The following LONP2 variants were observed in gnomAD, a reference collection of about 807,000 sequenced individuals.
LONP2 encodes lon peptidase 2, peroxisomal, also known as lon protease homolog 2, peroxisomal.
LONP2 carries 60 observed loss-of-function variants against 85.6 expected under a neutral mutation model. That is an observed-to-expected ratio of 0.70 (90% CI 0.57 to 0.87). The LOEUF (loss-of-function observed/expected upper bound fraction) is 0.87. LONP2 is among the 40% of genes least tolerant of loss of function. The pLI is 0.00. For missense variants in LONP2, 860 were observed against 1,063.5 expected, an observed-to-expected ratio of 0.81 and a Z score of 2.66; for synonymous variants, 395 against 389.7, an observed-to-expected ratio of 1.01 and a Z score of -0.16.
Position 48,258,249 on chromosome 16 carries a change from A to G in LONP2, c.601-369A>G, listed in dbSNP as rs192933415. 1.2e-3 allele frequency among the ~76,000 whole-genome samples: 178 copies of G among 151,710 alleles called. 8 individuals carry two copies. Among genetic ancestry groups the G allele is most frequent in the Admixed American group, 9.2e-3 (140 of 15,234 alleles). The stretch of plus-strand genomic sequence containing the variant: ...GTAGTCCCAGTTACTCTGGAGGCTG[A>G]GGCAGGAGAATGACGTGAACCCAGG... On this transcript the variant is annotated intron_variant, in intron 3 of 14. Coordinates refer to ENST00000285737, the MANE Select transcript of LONP2 (RefSeq NM_031490.5).
At chr16:48,328,847 G>C in intron 11 of LONP2, among the ~76,000 whole-genome samples, 1 of 151,236 alleles carries the variant, frequency 6.6e-6, no homozygotes, top group African/African-American at 2.4e-5. Context: ...GGGGGGGAGG[G>C]GCGGTGGGGG....
intron 2 of LONP2, among the ~76,000 whole-genome samples, chr16:48,255,161 G>A (rs989798649): frequency 2.6e-5 from 4 of 152,168 alleles, no homozygotes; most frequent in East Asian, 1.9e-4. Flanking sequence ...AATCTCAGTC[G>A]CATAATGTGA....
At chr16:48,359,685 C>T (rs999953419), downstream of LONP2, among the ~76,000 whole-genome samples, 2 of 151,852 alleles carry the variant, frequency 1.3e-5, no homozygotes, top group African/African-American at 2.4e-5. Context: ...CACTGCACTC[C>T]AGCCTGGGTG....
rs536843839 is a variant in LONP2, at chr16:48,348,371, CTTCT to C, written c.2337+86_2337+89del. On this transcript the variant is annotated intron_variant, in intron 14 of 14. Transcript: ENST00000285737. ...ATATTATTTTTAAATACGGGTTTGC[CTTCT>C]TTCTATGAAAACCTTGGTTTTAAGT... 6,504 of 914,742 alleles carry C rather than the reference CTTCT, an allele frequency of 7.1e-3. 38 individuals are homozygous for C. Among genetic ancestry groups the C allele is most frequent in the Middle Eastern group, 0.019 (50 of 2,594 alleles). The allele number at this position is 914,742 out of a possible 1,614,324, so 56.7% of individuals were successfully genotyped here.
chr16:48,254,577 C>G (rs1188815948), intron 2 of LONP2, among the ~76,000 whole-genome samples: 1 of 152,074 alleles, frequency 6.6e-6, no homozygotes, highest in African/African-American at 2.4e-5. Flanking sequence ...GTTGGCCAGG[C>G]TGGTCTCGAA....
At chr16:48,254,509 A>G (rs1448777976) in intron 2 of LONP2, among the ~76,000 whole-genome samples, 2 of 151,910 alleles carry the variant, frequency 1.3e-5, no homozygotes, top group Non-Finnish European at 2.9e-5. Flanking sequence ...CATTACAGGC[A>G]TGCGCCACCA....
chr16:48,270,950 A>T (rs1465650502), intron 7 of LONP2, among the ~76,000 whole-genome samples: 2 of 152,092 alleles, frequency 1.3e-5, no homozygotes, highest in Non-Finnish European at 2.9e-5. Flanking sequence ...CAACATAGGG[A>T]AACACTTTTG....
At chr16:48,342,522 C>A (rs1396916338) in intron 12 of LONP2, among the ~76,000 whole-genome samples, 1 of 152,182 alleles carries the variant, frequency 6.6e-6, no homozygotes, top group Non-Finnish European at 1.5e-5. Context: ...AACAGGAATC[C>A]GTTGTGCCAA....
chr16:48,283,620 A>G (rs1160045505), intron 8 of LONP2, among the ~76,000 whole-genome samples: 1 of 152,174 alleles, frequency 6.6e-6, no homozygotes, highest in Non-Finnish European at 1.5e-5. Flanking sequence ...CACTGTTGAA[A>G]CTTACCGTTC....
At chr16:48,298,466 C>A (rs1425891102) in intron 9 of LONP2, among the ~76,000 whole-genome samples, 1 of 152,012 alleles carries the variant, frequency 6.6e-6, no homozygotes, top group Non-Finnish European at 1.5e-5. Context: ...TACATACACA[C>A]ACACACACAC....
intron 1 of LONP2, among the ~76,000 whole-genome samples, chr16:48,248,394 G>A (rs1234706649): frequency 2.0e-5 from 3 of 150,826 alleles, no homozygotes; most frequent in African/African-American, 7.3e-5. Context: ...CCAAAGTGCT[G>A]GGATTATAGG....
At chr16:48,249,014 G>A (rs572318668) in intron 1 of LONP2, among the ~76,000 whole-genome samples, 2 of 152,008 alleles carry the variant, frequency 1.3e-5, no homozygotes, top group South Asian at 4.1e-4. Flanking sequence ...GCAGTTGATG[G>A]TTCTTAAATA....
chr16:48,361,446 C>G (rs1419840303), downstream of LONP2: 1 of 791,124 alleles, frequency 1.3e-6, no homozygotes, highest in Non-Finnish European at 2.0e-6. Flanking sequence ...TATTTAACAG[C>G]CTTTCTTTTT....
At chr16:48,299,813 A>C in intron 10 of LONP2, 25 bp downstream of exon 10, 1 of 1,600,854 alleles carries the variant, frequency 6.2e-7, no homozygotes, top group Non-Finnish European at 8.5e-7. Context: ...CTGAGGCTTC[A>C]TTAACTCCAG....
chr16:48,307,939 A>G (rs1972945880), intron 11 of LONP2, among the ~76,000 whole-genome samples: 1 of 152,178 alleles, frequency 6.6e-6, no homozygotes, highest in Non-Finnish European at 1.5e-5. Flanking sequence ...GGCATGTCAC[A>G]TGGTGAGAGA....
At position 48,299,685 on chromosome 16, in the gene LONP2, G is replaced by A. The variant is rs776727418; in HGVS notation, c.1558G>A (p.Glu520Lys). The A allele has an allele frequency of 2.5e-6, 4 of 1,613,526 alleles. No homozygotes were observed. The highest frequency in any genetic ancestry group is 3.4e-6 in the Non-Finnish European group (4 of 1,179,804). The change falls in exon 10 of 15, where the codon GAG becomes AAG. Residue 520 changes from glutamate (E) to lysine (K), a missense_variant. Around this residue, in one of 3 missense-constraint regions of LONP2, gnomAD observed 743 missense variants for 917.3 expected, o/e 0.81. Coordinates refer to ENST00000285737, the MANE Select transcript of LONP2 (RefSeq NM_031490.5). ...AGGTTATACACAGGAGGAGAAGATA[G>A]AGATTGCCCATAGGCACTTGATCCC... ...VPGYTQEEKI[E>K]IAHRHLIPKQ...
chr16:48,268,926 T>G (rs1972046079), intron 6 of LONP2, among the ~76,000 whole-genome samples: 1 of 152,180 alleles, frequency 6.6e-6, no homozygotes, highest in Non-Finnish European at 1.5e-5. Context: ...ATGTATTAAT[T>G]AATTAAAAGA....
chr16:48,298,460 T>TACAC (rs146027162), intron 9 of LONP2, among the ~76,000 whole-genome samples: 5 of 150,810 alleles, frequency 3.3e-5, no homozygotes, highest in South Asian at 2.1e-4. Flanking sequence ...TATAAATACA[T>TACAC]ACACACACAC....
downstream of LONP2, among the ~76,000 whole-genome samples, chr16:48,357,844 C>G (rs1168174730): frequency 6.6e-6 from 1 of 152,168 alleles, no homozygotes; most frequent in East Asian, 1.9e-4. Flanking sequence ...ATACATATTA[C>G]AATAAAAATT....
Sources: gnomAD v4.1 joint callset for allele counts (sites outside exome capture counted in the v4.1 genomes callset) on GRCh38, gnomAD v4.1.1 for gene constraint, gnomAD v4.1.1 regional missense constraint, MANE v1.5 for transcripts, NCBI Gene and HGNC (gene_info 2026-07-23, HGNC 2026-07-21) for gene names.